Variants in B3GALT1 observed in about 807,000 individuals in gnomAD.
B3GALT1 encodes UDP-Gal:betaGlcNAc beta 1,3-galactosyltransferase, polypeptide 1.
In B3GALT1, 10 loss-of-function variants were observed where a neutral mutation model predicts 23.2. That is an observed-to-expected ratio of 0.43 (90% confidence interval 0.27 to 0.73). The LOEUF (loss-of-function observed/expected upper bound fraction) is 0.73, where lower values mean the gene tolerates loss of function less well. Ranked by LOEUF, B3GALT1 falls within the 30% of genes least tolerant of loss-of-function variation. B3GALT1 has a pLI of 0.21. For missense variants in B3GALT1, 299 were observed against 405.4 expected (o/e 0.74, Z 2.25); for synonymous variants, 156 against 141.5 (o/e 1.10, Z -0.73).
At chr2:167,740,624 G>A (rs1355845349) in intron 3 of B3GALT1, among the ~76,000 whole-genome samples, 3 of 152,026 alleles carry the variant, frequency 2.0e-5, no homozygotes, top group African/African-American at 7.2e-5. Flanking sequence ...GTATAAAATA[G>A]AAATATATTT....
intron 2 of B3GALT1, among the ~76,000 whole-genome samples, chr2:167,491,393 TTC>T (rs1292957218): frequency 6.6e-6 from 1 of 152,104 alleles, no homozygotes; most frequent in Non-Finnish European, 1.5e-5. Context: ...GCAGTTACAG[TTC>T]TAGAAGTTGT....
At chr2:167,544,269 T>A (rs976262194) in intron 2 of B3GALT1, among the ~76,000 whole-genome samples, 1 of 152,124 alleles carries the variant, frequency 6.6e-6, no homozygotes, top group Non-Finnish European at 1.5e-5. Context: ...CTTAAAAATG[T>A]TCAAGAAAAG....
chr2:167,518,793 T>G (rs1558890379), intron 2 of B3GALT1, among the ~76,000 whole-genome samples: 1 of 152,190 alleles, frequency 6.6e-6, no homozygotes, highest in Non-Finnish European at 1.5e-5. Context: ...CTTACAACCT[T>G]AAACTTTATC....
At chr2:167,476,296 T>A (rs2105333656) in intron 1 of B3GALT1, among the ~76,000 whole-genome samples, 1 of 152,342 alleles carries the variant, frequency 6.6e-6, no homozygotes, top group South Asian at 2.1e-4. Context: ...TCTTCAGTAG[T>A]CACAGGCAGA....
At chr2:167,528,133 A>G (rs1207868916) in intron 2 of B3GALT1, among the ~76,000 whole-genome samples, 4 of 152,314 alleles carry the variant, frequency 2.6e-5, no homozygotes, top group Admixed American at 2.0e-4. Context: ...AATAAAAGCC[A>G]CACAGCTTAC....
At chr2:167,316,354 A>G (rs1338299419) in intron 1 of B3GALT1, among the ~76,000 whole-genome samples, 1 of 152,164 alleles carries the variant, frequency 6.6e-6, no homozygotes, top group Non-Finnish European at 1.5e-5. Flanking sequence ...GTAGTAGGCA[A>G]TTGAAAATGA....
chr2:167,815,335 A>G (rs868347865), intron 3 of B3GALT1: 3 of 152,326 alleles, frequency 2.0e-5, no homozygotes, highest in East Asian at 1.9e-4. Flanking sequence ...TAGATCAACT[A>G]TGGCCTCCAC....
intron 2 of B3GALT1, among the ~76,000 whole-genome samples, chr2:167,531,188 C>T (rs115673819): frequency 0.023 from 3,490 of 152,234 alleles, 75 homozygotes; most frequent in Non-Finnish European, 0.038. Context: ...GTAATAATTA[C>T]TTCATCTCAG....
intron 1 of B3GALT1, among the ~76,000 whole-genome samples, chr2:167,474,801 C>G (rs1443900592): frequency 6.6e-6 from 1 of 152,014 alleles, no homozygotes; most frequent in Non-Finnish European, 1.5e-5. Context: ...ATTTTTGACC[C>G]AGATGTTAAA....
intron 4 of B3GALT1, among the ~76,000 whole-genome samples, chr2:167,827,409 C>T (rs1689253291): frequency 6.6e-6 from 1 of 152,186 alleles, no homozygotes; most frequent in Admixed American, 6.5e-5. Flanking sequence ...AGATCCTTGC[C>T]ACTGTGTTAC....
intron 1 of B3GALT1, among the ~76,000 whole-genome samples, chr2:167,318,291 G>C (rs1232876835): frequency 1.3e-5 from 2 of 152,170 alleles, no homozygotes; most frequent in East Asian, 3.9e-4. Context: ...CACCACTCCA[G>C]CCTGGCCAAC....
chr2:167,587,590 C>T (rs1684604073), intron 2 of B3GALT1, among the ~76,000 whole-genome samples: 1 of 152,190 alleles, frequency 6.6e-6, no homozygotes, highest in East Asian at 1.9e-4. Flanking sequence ...TCCCAAGGTA[C>T]TCCAAGAATC....
At chr2:167,849,057 G>C (rs1013691346) in intron 4 of B3GALT1, among the ~76,000 whole-genome samples, 26 of 152,206 alleles carry the variant, frequency 1.7e-4, no homozygotes, top group Non-Finnish European at 3.8e-4. Context: ...AAAACTATGA[G>C]ACACTGCTGA....
rs550792097 is a variant in B3GALT1, at chr2:167,576,893, C to G, written c.-409-70016C>G. Among the ~76,000 whole-genome samples, 6 of 151,810 alleles carry G rather than the reference C, an allele frequency of 4.0e-5. No homozygotes were observed. In the South Asian group the frequency reaches 1.2e-3, roughly 32 times the overall value. ...TTGTGTGATGGTACCTACCCTTCAA[C>G]TCCAAATATCACAGCTTTTAAGGAG... On this transcript the variant is annotated intron_variant, in intron 2 of 4. Transcript: ENST00000392690.
At chr2:167,331,098 G>C (rs143450740) in intron 1 of B3GALT1, among the ~76,000 whole-genome samples, 148 of 152,098 alleles carry the variant, frequency 9.7e-4, no homozygotes, top group African/African-American at 3.4e-3. Context: ...ATTTTTTTTG[G>C]GGGGGTATGT....
intron 1 of B3GALT1, among the ~76,000 whole-genome samples, chr2:167,474,245 A>G (rs1347103363): frequency 6.6e-6 from 1 of 152,162 alleles, no homozygotes; most frequent in Non-Finnish European, 1.5e-5. Context: ...ACTACCAGCT[A>G]ATTGACTTGA....
At chr2:167,567,231 C>CA (rs1574143608) in intron 2 of B3GALT1, among the ~76,000 whole-genome samples, 2 of 151,740 alleles carry the variant, frequency 1.3e-5, no homozygotes, top group East Asian at 1.9e-4. Flanking sequence ...TCTTAAAACT[C>CA]AAAAAAATAA....
chr2:167,559,124 C>A (rs572183109), intron 2 of B3GALT1, among the ~76,000 whole-genome samples: 1 of 152,134 alleles, frequency 6.6e-6, no homozygotes, highest in Non-Finnish European at 1.5e-5. Flanking sequence ...TCCAGAGGAA[C>A]GATCAGACAG....
intron 1 of B3GALT1, among the ~76,000 whole-genome samples, chr2:167,352,573 A>T (rs1451148349): frequency 1.3e-5 from 2 of 149,184 alleles, no homozygotes; most frequent in African/African-American, 4.9e-5. Context: ...AAAAAAAAAA[A>T]TGCTGGGCGT....
Sources: allele counts gnomAD v4.1 joint callset (sites outside exome capture counted in the v4.1 genomes callset), GRCh38; gene constraint gnomAD v4.1.1; transcripts MANE v1.5; gene names NCBI Gene and HGNC (gene_info 2026-07-23, HGNC 2026-07-21).